Variants in GRM3 observed in about 807,000 individuals in gnomAD.
GRM3 encodes the protein metabotropic glutamate receptor 3.
GRM3 carries 26 observed loss-of-function variants against 70.5 expected under a neutral mutation model. The observed-to-expected ratio is 0.37, with a 90% CI of 0.27 to 0.51. The LOEUF (loss-of-function observed/expected upper bound fraction) is 0.51. Ranked by LOEUF, GRM3 falls within the 20% of genes least tolerant of loss-of-function variation. GRM3 has a pLI of 0.93. For synonymous variants in GRM3, 443 were observed against 434.9 expected (o/e 1.02, Z -0.23); for missense variants, 859 against 1,123.8 (o/e 0.76, Z 3.37).
At chr7:86,739,498 A>G (rs1374478748) in intron 1 of GRM3, among the ~76,000 whole-genome samples, 1 of 152,184 alleles carries the variant, frequency 6.6e-6, no homozygotes, top group Non-Finnish European at 1.5e-5. Context: ...GGATGGAATT[A>G]CCTACGTAGA....
chr7:86,674,603 T>A (rs1395942208), intron 1 of GRM3, among the ~76,000 whole-genome samples: 1 of 152,144 alleles, frequency 6.6e-6, no homozygotes, highest in East Asian at 1.9e-4. Flanking sequence ...ATAAATCTAT[T>A]AATGTCATAT....
intron 2 of GRM3, among the ~76,000 whole-genome samples, chr7:86,778,041 A>G (rs1217801834): frequency 6.6e-6 from 1 of 152,224 alleles, no homozygotes; most frequent in Non-Finnish European, 1.5e-5. Context: ...CAAAACATTC[A>G]GCACTGCATG....
At chr7:86,766,764 T>A (rs1796610000) in intron 2 of GRM3, among the ~76,000 whole-genome samples, 1 of 152,162 alleles carries the variant, frequency 6.6e-6, no homozygotes, top group African/African-American at 2.4e-5. Context: ...GTCATACACT[T>A]TGCCTCCCAC....
chr7:86,649,408 T>G (rs903908833), intron 1 of GRM3, among the ~76,000 whole-genome samples: 6 of 152,266 alleles, frequency 3.9e-5, no homozygotes, highest in Middle Eastern at 3.4e-3. Flanking sequence ...ACACTGTACT[T>G]TAAGGAGAGA....
chr7:86,771,940 ATGCAG>A (rs1796753451), intron 2 of GRM3, among the ~76,000 whole-genome samples: 1 of 152,052 alleles, frequency 6.6e-6, no homozygotes, highest in Non-Finnish European at 1.5e-5. Context: ...TCCACCTAGA[ATGCAG>A]TGTTCTTCAG....
At chr7:86,717,495 A>G (rs1367422467) in intron 1 of GRM3, among the ~76,000 whole-genome samples, 1 of 152,000 alleles carries the variant, frequency 6.6e-6, no homozygotes, top group East Asian at 1.9e-4. Context: ...CTCTTTACAA[A>G]TAAGAATCTA....
chr7:86,748,644 A>G (rs1216473860), intron 1 of GRM3, among the ~76,000 whole-genome samples: 1 of 152,074 alleles, frequency 6.6e-6, no homozygotes, highest in African/African-American at 2.4e-5. Context: ...ATCTATAAAT[A>G]CTCATATTTT....
At chr7:86,721,607 C>G (rs1584192708) in intron 1 of GRM3, among the ~76,000 whole-genome samples, 1 of 152,058 alleles carries the variant, frequency 6.6e-6, no homozygotes, top group Non-Finnish European at 1.5e-5. Flanking sequence ...GAGTCCAACA[C>G]TGTGCTTTAT....
chr7:86,844,415 G>C (rs1037971065), intron 4 of GRM3, among the ~76,000 whole-genome samples: 1 of 152,184 alleles, frequency 6.6e-6, no homozygotes. Context: ...AAATGGAAGA[G>C]TGATTTGATA....
chr7:86,786,671 C>T lies in GRM3; in HGVS notation c.879C>T (p.Ala293=), dbSNP rs2228595. ...ELIAAASRAN[A]SFTWVASDGW... is the part of the protein sequence containing the mutation. ...TTGCAGCCGCCAGCCGCGCCAATGC[C>T]TCCTTCACCTGGGTGGCCAGCGACG... Residue 293 remains alanine (A), a synonymous_variant, in exon 3 of 6, where the codon GCC becomes GCT. Transcript: ENST00000361669. This position sits in a 1 kb window ranked among gnomAD's most constrained non-coding sequence, Gnocchi z 6.0. 0.062 allele frequency: 100,530 copies of T among 1,612,066 alleles called. 3,624 individuals carry two copies. The highest frequency in any genetic ancestry group is 0.12 in the Middle Eastern group (702 of 6,062).
At chr7:86,692,779 G>A (rs1423283726) in intron 1 of GRM3, among the ~76,000 whole-genome samples, 1 of 152,132 alleles carries the variant, frequency 6.6e-6, no homozygotes, top group South Asian at 2.1e-4. Context: ...ATAAACACTA[G>A]CATCTCAAAG....
At chr7:86,856,401 A>G (rs1798846101) in intron 5 of GRM3, among the ~76,000 whole-genome samples, 1 of 150,028 alleles carries the variant, frequency 6.7e-6, no homozygotes, top group Non-Finnish European at 1.5e-5. Flanking sequence ...AGCCGAGATC[A>G]TGCCACTGCA....
intron 5 of GRM3, 60 bp downstream of exon 5, chr7:86,850,604 GCCAAGAACAGGCAACACATGTCTGTC>G (rs1196065994): frequency 1.7e-5 from 19 of 1,116,610 alleles, no homozygotes; most frequent in Non-Finnish European, 2.5e-5. Flanking sequence ...GGACCAGCCT[GCCAAGAACAGGCAACACATGTCTGTC>G]CCCATGAACA....
intron 3 of GRM3, among the ~76,000 whole-genome samples, chr7:86,799,545 TAGA>T (rs918366460): frequency 1.3e-5 from 2 of 151,960 alleles, no homozygotes; most frequent in African/African-American, 4.8e-5. Flanking sequence ...TTTTTTTTTT[TAGA>T]AGGAGTCTCA....
At chr7:86,773,604 A>G (rs998460692) in intron 2 of GRM3, among the ~76,000 whole-genome samples, 10 of 152,050 alleles carry the variant, frequency 6.6e-5, no homozygotes, top group African/African-American at 2.4e-4. Flanking sequence ...TTTCCTTCCC[A>G]GACTTTTCAT....
chr7:86,672,440 C>G (rs1794195118), intron 1 of GRM3, among the ~76,000 whole-genome samples: 2 of 152,138 alleles, frequency 1.3e-5, no homozygotes, highest in Admixed American at 1.3e-4. Flanking sequence ...TAATATATAT[C>G]CAAAGGTGAC....
At position 86,798,907 on chromosome 7, in the gene GRM3, G is replaced by C. The variant is rs181804520; in HGVS notation, c.1324+11791G>C. Reference sequence around the variant, plus strand: ...CCTGACACCACGTTTATGTGACTTTGTGTTCATTCACCTCCTGCCATGATT... The same window carrying C: ...CCTGACACCACGTTTATGTGACTTTCTGTTCATTCACCTCCTGCCATGATT... On this transcript the variant is annotated intron_variant, in intron 3 of 5. Transcript: ENST00000361669. Among the ~76,000 whole-genome samples, 196 of 152,204 alleles carry C rather than the reference G, an allele frequency of 1.3e-3. 1 individual carries two copies. Among genetic ancestry groups the C allele is most frequent in the South Asian group, 5.4e-3 (26 of 4,806 alleles).
At chr7:86,827,489 G>C (rs1200292785) in intron 3 of GRM3, among the ~76,000 whole-genome samples, 2 of 151,666 alleles carry the variant, frequency 1.3e-5, no homozygotes, top group Non-Finnish European at 2.9e-5. Flanking sequence ...AGTCATATCT[G>C]GAAAATATAA....
rs1280925415 is a variant in GRM3, at chr7:86,765,624, C to A, written c.468+11C>A. On this transcript the variant is annotated intron_variant, in intron 2 of 5. Transcript: ENST00000361669. ...AGTGTTTCCATACAGGTAAGATTGG[C>A]TAATGCTATTGCTAAAAGGCTGTAT... 1 of 1,603,180 alleles carries A rather than the reference C, an allele frequency of 6.2e-7. No individual in the cohort carries two copies. The highest frequency in any genetic ancestry group is 8.5e-7 in the Non-Finnish European group (1 of 1,171,692).
Sources: gnomAD v4.1 joint callset for allele counts (sites outside exome capture counted in the v4.1 genomes callset) on GRCh38, gnomAD v4.1.1 for gene constraint, Gnocchi (gnomAD v3.1) non-coding constraint, MANE v1.5 for transcripts, NCBI Gene and HGNC (gene_info 2026-07-23, HGNC 2026-07-21) for gene names.